TMEM150C: variants seen among roughly 807,000 people sequenced by gnomAD.
The protein encoded by TMEM150C is transmembrane protein 150C.
TMEM150C carries 10 observed loss-of-function variants against 29.9 expected under a neutral mutation model. That is an observed-to-expected ratio of 0.33 (90% CI 0.21 to 0.57). The LOEUF is 0.57. Among genes scored for constraint, TMEM150C ranks in the 20% least tolerant of loss-of-function variants. The probability of loss-of-function intolerance (pLI) is 0.88; values close to 1 mark genes in which losing one functional copy is unlikely to be tolerated. For synonymous variants in TMEM150C, 101 were observed against 112.5 expected (o/e 0.90, Z 0.64); for missense variants, 251 against 303.6 (o/e 0.83, Z 1.29).
At chr4:82,521,177 T>C (rs1194411519) in intron 1 of TMEM150C, among the ~76,000 whole-genome samples, 1 of 152,202 alleles carries the variant, frequency 6.6e-6, no homozygotes, top group African/African-American at 2.4e-5. Context: ...GAATTTCCTA[T>C]GTCACCCTGC....
chr4:82,486,986 A>G (rs1251947906), intron 7 of TMEM150C, among the ~76,000 whole-genome samples: 1 of 152,202 alleles, frequency 6.6e-6, no homozygotes, highest in Non-Finnish European at 1.5e-5. Context: ...TATCTTCTGA[A>G]ATTAGACCTG....
At chr4:82,557,030 G>A (rs1725758456) in intron 1 of TMEM150C, among the ~76,000 whole-genome samples, 1 of 152,194 alleles carries the variant, frequency 6.6e-6, no homozygotes, top group Non-Finnish European at 1.5e-5. Context: ...AAGTACCCTA[G>A]ATGCCTATGC....
At chr4:82,532,950 G>C (rs911819590) in intron 1 of TMEM150C, among the ~76,000 whole-genome samples, 1 of 152,014 alleles carries the variant, frequency 6.6e-6, no homozygotes, top group Non-Finnish European at 1.5e-5. Context: ...GGATGGTCTC[G>C]ATCTCCTGAC....
intron 1 of TMEM150C, among the ~76,000 whole-genome samples, chr4:82,505,206 A>G (rs533284601): frequency 1.2e-4 from 19 of 152,274 alleles, no homozygotes; most frequent in African/African-American, 4.3e-4. Context: ...ATTAATAGAA[A>G]TTTTATTTTT....
intron 6 of TMEM150C, chr4:82,491,691 G>A: frequency 2.2e-6 from 1 of 460,332 alleles, no homozygotes; most frequent in Non-Finnish European, 3.8e-6. Context: ...TTATAGAGAT[G>A]GTGTCTCCCT....
chr4:82,561,200 A>G (rs1423843493), intron 1 of TMEM150C, among the ~76,000 whole-genome samples: 1 of 152,260 alleles, frequency 6.6e-6, no homozygotes, highest in East Asian at 1.9e-4. Context: ...GACTCTCTCC[A>G]GAACCCAAAG....
At chr4:82,511,230 A>G (rs767024439) in intron 1 of TMEM150C, among the ~76,000 whole-genome samples, 2 of 152,194 alleles carry the variant, frequency 1.3e-5, no homozygotes, top group African/African-American at 4.8e-5. Context: ...AACATTTTTC[A>G]TAAGTGCTGG....
intron 6 of TMEM150C, chr4:82,491,284 G>T (rs1327017179): frequency 7.4e-6 from 5 of 678,582 alleles, no homozygotes; most frequent in African/African-American, 3.6e-5. Context: ...TGGGCCAACA[G>T]CTTCTGCTTC....
intron 1 of TMEM150C, among the ~76,000 whole-genome samples, chr4:82,513,265 C>G (rs1407063482): frequency 6.6e-6 from 1 of 152,172 alleles, no homozygotes; most frequent in Non-Finnish European, 1.5e-5. Flanking sequence ...CTTTGCTGGT[C>G]TTCAGCCTCC....
chr4:82,540,114 C>CTTTTTTTTTTTTTTTTTTT (rs577728662), intron 1 of TMEM150C, among the ~76,000 whole-genome samples: 1 of 47,262 alleles, frequency 2.1e-5, no homozygotes, highest in Non-Finnish European at 5.2e-5. Flanking sequence ...TCTACCTATT[C>CTTTTTTTTTTTTTTTTTTT]TTTTTTTTTT....
intron 1 of TMEM150C, among the ~76,000 whole-genome samples, chr4:82,537,480 C>G: frequency 6.6e-6 from 1 of 152,146 alleles, no homozygotes. Context: ...TGATAGGTAT[C>G]AGGAGGCTTA....
At chr4:82,560,547 G>A (rs916957784) in intron 1 of TMEM150C, among the ~76,000 whole-genome samples, 2 of 152,154 alleles carry the variant, frequency 1.3e-5, no homozygotes, top group Non-Finnish European at 2.9e-5. Context: ...TGGAAACATG[G>A]AGTCTCTAGA....
rs181131072 is a variant in TMEM150C at position 82,498,439 on chromosome 4, G to C, written c.236-2244C>G. Among the ~76,000 whole-genome samples, 414 of 152,256 alleles carry C rather than the reference G, an allele frequency of 2.7e-3. 1 individual carries two copies. Among genetic ancestry groups the C allele is most frequent in the Admixed American group, 7.9e-3 (121 of 15,300 alleles). ...TGAGCAGCTGGGACTACAGGTGCACGCCACCAAGCCAAGCTAATGTTTTTG... is the reference window on the plus strand; with the variant it reads ...TGAGCAGCTGGGACTACAGGTGCACCCCACCAAGCCAAGCTAATGTTTTTG... On this transcript the variant is annotated intron_variant, in intron 5 of 7. Coordinates refer to ENST00000449862, the MANE Select transcript of TMEM150C (RefSeq NM_001080506.3).
At chr4:82,491,281 A>T in intron 6 of TMEM150C, 2 of 680,396 alleles carry the variant, frequency 2.9e-6, no homozygotes, top group South Asian at 3.2e-5. Flanking sequence ...GCCTGGGCCA[A>T]CAGCTTCTGC....
chr4:82,518,409 CCA>C (rs1724367826), intron 1 of TMEM150C, among the ~76,000 whole-genome samples: 1 of 152,190 alleles, frequency 6.6e-6, no homozygotes, highest in Non-Finnish European at 1.5e-5. Flanking sequence ...TCCAAAGGCT[CCA>C]GTGTTGCTTA....
intron 1 of TMEM150C, among the ~76,000 whole-genome samples, chr4:82,508,892 G>A (rs1161482780): frequency 1.3e-5 from 2 of 152,082 alleles, no homozygotes; most frequent in Non-Finnish European, 2.9e-5. Flanking sequence ...CTAGGACAAC[G>A]TCACCTCATG....
At chr4:82,520,067 G>A (rs375892703) in intron 1 of TMEM150C, among the ~76,000 whole-genome samples, 10 of 152,190 alleles carry the variant, frequency 6.6e-5, no homozygotes, top group African/African-American at 2.4e-4. Context: ...AAAGAAACCT[G>A]TCACACTGAG....
chr4:82,530,049 T>G (rs948428004), intron 1 of TMEM150C, among the ~76,000 whole-genome samples: 3 of 151,290 alleles, frequency 2.0e-5, no homozygotes, highest in Non-Finnish European at 4.4e-5. Context: ...CACAGGAAAG[T>G]GAAAGGCTTG....
At chr4:82,506,752 T>C (rs1723934958) in intron 1 of TMEM150C, among the ~76,000 whole-genome samples, 1 of 152,206 alleles carries the variant, frequency 6.6e-6, no homozygotes, top group Non-Finnish European at 1.5e-5. Context: ...TTTATTTATG[T>C]CCAAAAAGTT....
Sources: allele counts gnomAD v4.1 joint callset (sites outside exome capture counted in the v4.1 genomes callset), GRCh38; gene constraint gnomAD v4.1.1; transcripts MANE v1.5; gene names NCBI Gene and HGNC (gene_info 2026-07-23, HGNC 2026-07-21).